Variants in TRDN observed in about 807,000 individuals in gnomAD.
The protein encoded by TRDN is triadin in skeletal muscle.
In TRDN, 161 loss-of-function variants were observed where a neutral mutation model predicts 149.7. That is an observed-to-expected ratio of 1.08 (90% confidence interval 0.95 to 1.23). TRDN has a LOEUF of 1.23. Among genes scored for constraint, TRDN ranks in the 50% most tolerant of loss-of-function variants. The pLI, the probability that TRDN is intolerant of heterozygous loss-of-function variation, is 0.00. For missense variants in TRDN, 896 were observed against 823.5 expected (o/e 1.09, Z -1.08); for synonymous variants, 294 against 250.5 (o/e 1.17, Z -1.64).
chr6:123,359,185 C>T (rs78290241), intron 20 of TRDN, among the ~76,000 whole-genome samples: 12,339 of 152,132 alleles, frequency 0.081, 1,662 homozygotes, highest in African/African-American at 0.28. Flanking sequence ...TCAGGTGATG[C>T]TAACTACTTA....
intron 12 of TRDN, among the ~76,000 whole-genome samples, chr6:123,405,195 C>T (rs944994829): frequency 3.9e-5 from 6 of 152,192 alleles, no homozygotes; most frequent in African/African-American, 1.4e-4. Context: ...TGCACAAATA[C>T]CATATTGAGT....
At chr6:123,479,491 C>T (rs920257975) in intron 9 of TRDN, among the ~76,000 whole-genome samples, 1 of 152,178 alleles carries the variant, frequency 6.6e-6, no homozygotes, top group Admixed American at 6.5e-5. Context: ...TGTTATCTTT[C>T]AGCCTAATGA....
chr6:123,324,668 C>A (rs999333195), intron 23 of TRDN, among the ~76,000 whole-genome samples: 1 of 152,004 alleles, frequency 6.6e-6, no homozygotes, highest in Admixed American at 6.6e-5. Flanking sequence ...TAGAGTTGCA[C>A]GTGTATTTCA....
intron 8 of TRDN, chr6:123,501,754 AATG>A (rs1778709265): frequency 2.7e-6 from 2 of 727,458 alleles, no homozygotes; most frequent in South Asian, 6.2e-5. Flanking sequence ...TTAAACTCTA[AATG>A]ATATTTGAAT....
intron 7 of TRDN, among the ~76,000 whole-genome samples, chr6:123,507,300 C>A (rs572873829): frequency 1.0e-3 from 157 of 152,038 alleles, no homozygotes; most frequent in African/African-American, 3.5e-3. Flanking sequence ...GTGTGAAATT[C>A]AGATTTCTTT....
chr6:123,438,199 T>A, intron 11 of TRDN, 77 bp from the exon 12 acceptor site: 1 of 998,372 alleles, frequency 1.0e-6, no homozygotes, highest in Non-Finnish European at 1.5e-6. Context: ...TGACTACCAG[T>A]GAGGCATCTA....
chr6:123,269,722 A>C, intron 31 of TRDN, 127 bp downstream of exon 31: 1 of 829,208 alleles, frequency 1.2e-6, no homozygotes, highest in Non-Finnish European at 1.8e-6. Context: ...ACATTAATTT[A>C]TTATTAACAG....
chr6:123,485,041 G>C (rs1777916371), intron 9 of TRDN, among the ~76,000 whole-genome samples: 2 of 152,134 alleles, frequency 1.3e-5, no homozygotes, highest in Admixed American at 1.3e-4. Context: ...GATTGATTTT[G>C]ACAAATATGA....
chr6:123,599,441 A>G (rs1464273162), intron 1 of TRDN, among the ~76,000 whole-genome samples: 2 of 152,114 alleles, frequency 1.3e-5, no homozygotes, highest in Non-Finnish European at 2.9e-5. Context: ...TCAGAAATTT[A>G]TTTCTTCAAC....
intron 4 of TRDN, among the ~76,000 whole-genome samples, chr6:123,537,948 C>A (rs1266892054): frequency 6.6e-6 from 1 of 152,070 alleles, no homozygotes; most frequent in African/African-American, 2.4e-5. Flanking sequence ...CTTACATGGC[C>A]AGTTTAAAGC....
At chr6:123,492,286 C>T (rs1226434792) in intron 9 of TRDN, among the ~76,000 whole-genome samples, 1 of 152,084 alleles carries the variant, frequency 6.6e-6, no homozygotes, top group Non-Finnish European at 1.5e-5. Context: ...TAAACTTTAA[C>T]TTGTATTAAA....
chr6:123,351,139 A>G, intron 21 of TRDN: 1 of 984,666 alleles, frequency 1.0e-6, no homozygotes, highest in Non-Finnish European at 1.2e-6. Flanking sequence ...CTAGAGGGGG[A>G]AAGCTATAAA....
intron 25 of TRDN, 67 bp downstream of exon 25, chr6:123,278,989 T>C: frequency 7.1e-7 from 1 of 1,399,354 alleles, no homozygotes. Context: ...AGCATGCATT[T>C]AAGATTTGTT....
At chr6:123,336,420 C>G (rs1294009938) in intron 22 of TRDN, among the ~76,000 whole-genome samples, 2 of 152,004 alleles carry the variant, frequency 1.3e-5, no homozygotes, top group African/African-American at 2.4e-5. Flanking sequence ...AGATGCACCA[C>G]TTTTGGACTT....
intron 1 of TRDN, among the ~76,000 whole-genome samples, chr6:123,572,135 G>A (rs1292185540): frequency 6.6e-6 from 1 of 151,916 alleles, no homozygotes; most frequent in East Asian, 1.9e-4. Flanking sequence ...TAAAATTTTT[G>A]CAATAAGAGA....
chr6:123,324,378 G>A (rs1779363434), intron 23 of TRDN, among the ~76,000 whole-genome samples: 1 of 152,240 alleles, frequency 6.6e-6, no homozygotes, highest in Non-Finnish European at 1.5e-5. Context: ...TACTCAGGAG[G>A]CTGAGGCAGG....
chr6:123,378,874 T>C (rs936764147), intron 16 of TRDN, among the ~76,000 whole-genome samples: 1 of 152,168 alleles, frequency 6.6e-6, no homozygotes, highest in African/African-American at 2.4e-5. Context: ...TTGTCAATAT[T>C]GTATGAGACA....
chr6:123,279,159 A>G, intron 24 of TRDN, 77 bp from the exon 25 acceptor site: 1 of 1,158,870 alleles, frequency 8.6e-7, no homozygotes, highest in Non-Finnish European at 1.2e-6. Context: ...ATATGATATA[A>G]TATATTTGAA....
intron 21 of TRDN, among the ~76,000 whole-genome samples, chr6:123,347,054 G>C (rs1254661736): frequency 2.0e-5 from 3 of 152,032 alleles, no homozygotes; most frequent in Non-Finnish European, 2.9e-5. Context: ...TGGAGAACGT[G>C]GGGTAGAAAC....
Sources: gnomAD v4.1 joint callset for allele counts (sites outside exome capture counted in the v4.1 genomes callset) on GRCh38, gnomAD v4.1.1 for gene constraint, MANE v1.5 for transcripts, NCBI Gene and HGNC (gene_info 2026-07-23, HGNC 2026-07-21) for gene names.